Variants in RBFOX1 observed in about 807,000 individuals in gnomAD.
The protein encoded by RBFOX1 is RNA binding fox-1 homolog 1.
A neutral mutation model predicts 57.7 loss-of-function variants in RBFOX1; 8 were observed. The observed-to-expected ratio is 0.14, with a 90% CI of 0.08 to 0.25. RBFOX1 has a LOEUF of 0.25. RBFOX1 is among the 10% of genes least tolerant of loss of function. RBFOX1 has a pLI of 1.00. For synonymous variants in RBFOX1, 326 were observed against 222.4 expected, an observed-to-expected ratio of 1.47 and a Z score of -4.15; for missense variants, 611 against 548.5, an observed-to-expected ratio of 1.11 and a Z score of -1.14.
chr16:7,166,024 T>G (rs2079439288), intron 4 of RBFOX1, among the ~76,000 whole-genome samples: 1 of 151,768 alleles, frequency 6.6e-6, no homozygotes. Context: ...TTTGTTGTTG[T>G]TGTTGTTGAG....
intron 3 of RBFOX1, among the ~76,000 whole-genome samples, chr16:5,800,451 C>T (rs1461092941): frequency 3.9e-5 from 6 of 152,144 alleles, no homozygotes; most frequent in African/African-American, 1.2e-4. Context: ...TCTGCACCCC[C>T]AGCACGCCCT....
intron 2 of RBFOX1, among the ~76,000 whole-genome samples, chr16:5,553,847 A>G (rs542119728): frequency 1.1e-4 from 17 of 152,166 alleles, no homozygotes; most frequent in East Asian, 5.8e-4. Context: ...AATATCCTAC[A>G]TGATTGAATT....
chr16:7,383,710 G>A (rs1036047825), intron 4 of RBFOX1, among the ~76,000 whole-genome samples: 1 of 151,970 alleles, frequency 6.6e-6, no homozygotes, highest in Non-Finnish European at 1.5e-5. Context: ...TATATTAAAC[G>A]CCTATTCAAA....
chr16:6,759,416 G>T (rs1228517137), intron 3 of RBFOX1, among the ~76,000 whole-genome samples: 1 of 151,740 alleles, frequency 6.6e-6, no homozygotes, highest in Non-Finnish European at 1.5e-5. Context: ...CTCCCATAGT[G>T]CTGGGACCCA....
chr16:7,236,454 A>C (rs912828329), intron 4 of RBFOX1, among the ~76,000 whole-genome samples: 3 of 152,146 alleles, frequency 2.0e-5, no homozygotes, highest in South Asian at 4.1e-4. Flanking sequence ...GCTGTCATGC[A>C]ATCTGGCAGA....
At chr16:6,282,366 T>G (rs28403999) in intron 1 of RBFOX1, among the ~76,000 whole-genome samples, 3,931 of 151,416 alleles carry the variant, frequency 0.026, 121 homozygotes, top group African/African-American at 0.071. Context: ...TTTTTTTTTT[T>G]TTTTTTTTTT....
At chr16:7,241,799 GTAGA>G (rs2094077418) in intron 4 of RBFOX1, among the ~76,000 whole-genome samples, 1 of 151,040 alleles carries the variant, frequency 6.6e-6, no homozygotes, top group Non-Finnish European at 1.5e-5. Flanking sequence ...GTCTATAAAT[GTAGA>G]TACTCACATA....
intron 10 of RBFOX1, among the ~76,000 whole-genome samples, chr16:7,612,871 A>T (rs1201723598): frequency 6.6e-6 from 1 of 152,200 alleles, no homozygotes; most frequent in Non-Finnish European, 1.5e-5. Context: ...TCTGTGATTA[A>T]ATATTCCATC....
chr16:6,644,635 C>G (rs1346528536), intron 2 of RBFOX1, among the ~76,000 whole-genome samples: 3 of 152,176 alleles, frequency 2.0e-5, no homozygotes, highest in Non-Finnish European at 4.4e-5. Context: ...CTTAGCTTCT[C>G]ATGACAAGTC....
At position 5,454,899 on chromosome 16, in the gene RBFOX1, T is replaced by G. The variant is rs1445964770; in HGVS notation, c.220-12317T>G. Among the ~76,000 whole-genome samples, 42 of 102,218 alleles carry G rather than the reference T, an allele frequency of 4.1e-4. 1 individual carries two copies. Among genetic ancestry groups the G allele is most frequent in the Non-Finnish European group, 7.5e-4 (33 of 44,170 alleles). The allele number at this position is 102,218 out of a possible 152,430, so 67.1% of individuals were successfully genotyped here. ...CTTTCTTTCTTTCTTTCTTTCTTTC[T>G]TTCTTTCTTTCTTTCCTTTGTTTCT... On this transcript the variant is annotated intron_variant, in intron 1 of 2. Transcript: ENST00000585867.
chr16:7,407,974 A>C (rs1031763303), intron 4 of RBFOX1, among the ~76,000 whole-genome samples: 2 of 152,200 alleles, frequency 1.3e-5, no homozygotes, highest in African/African-American at 4.8e-5. Context: ...ATCACAATGA[A>C]TGTATGGCCC....
chr16:6,254,269 G>T (rs2097646812), intron 1 of RBFOX1, among the ~76,000 whole-genome samples: 1 of 152,148 alleles, frequency 6.6e-6, no homozygotes, highest in African/African-American at 2.4e-5. Flanking sequence ...GATGTATTCA[G>T]GGAGAACGTT....
chr16:6,677,794 C>A (rs916837217), intron 3 of RBFOX1, among the ~76,000 whole-genome samples: 1 of 152,110 alleles, frequency 6.6e-6, no homozygotes, highest in Non-Finnish European at 1.5e-5. Context: ...TAGAGGAAGA[C>A]TGAACAATGG....
At chr16:7,381,364 A>C (rs1597007984) in intron 4 of RBFOX1, among the ~76,000 whole-genome samples, 1 of 152,332 alleles carries the variant, frequency 6.6e-6, no homozygotes, top group East Asian at 1.9e-4. Flanking sequence ...AAGTAATTAG[A>C]AAGAAAACCA....
At position 5,867,226 on chromosome 16, in the gene RBFOX1, G is replaced by C. The variant is rs905738699; in HGVS notation, c.319-77G>C. ...GGGTCATAACAAATTATTGATGCCA[G>C]TTCCTTTAAAAAGACAATTAATCCA... On this transcript the variant is annotated intron_variant, in intron 3 of 19. Coordinates refer to the RBFOX1 transcript ENST00000641259. 8.8e-6 allele frequency: 9 copies of C among 1,021,732 alleles called. No homozygotes were observed. In the African/African-American group the frequency reaches 1.5e-4, roughly 17 times the overall value. The allele number at this position is 1,021,732 out of a possible 1,614,324, so 63.3% of individuals were successfully genotyped here.
intron 1 of RBFOX1, among the ~76,000 whole-genome samples, chr16:6,312,057 C>T (rs1177875869): frequency 2.0e-5 from 3 of 152,200 alleles, no homozygotes; most frequent in Non-Finnish European, 4.4e-5. Context: ...ATACAGTTTG[C>T]TTCCCTGCCT....
At chr16:5,921,742 G>C (rs1356259316) in intron 4 of RBFOX1, among the ~76,000 whole-genome samples, 1 of 152,048 alleles carries the variant, frequency 6.6e-6, no homozygotes, top group Non-Finnish European at 1.5e-5. Flanking sequence ...TCTGCTGCTG[G>C]GGAGGCCTCA....
chr16:7,017,143 G>T (rs1597109224), intron 3 of RBFOX1, among the ~76,000 whole-genome samples: 1 of 152,128 alleles, frequency 6.6e-6, no homozygotes, highest in East Asian at 1.9e-4. Flanking sequence ...AAGCAAAACA[G>T]CTGTTAAGGT....
At chr16:5,398,670 T>C (rs532985063) in intron 1 of RBFOX1, among the ~76,000 whole-genome samples, 1 of 151,974 alleles carries the variant, frequency 6.6e-6, no homozygotes, top group East Asian at 1.9e-4. Flanking sequence ...AGTGGGAGGA[T>C]AGCAAGGTTG....
Sources: gnomAD v4.1 joint callset for allele counts (sites outside exome capture counted in the v4.1 genomes callset) on GRCh38, gnomAD v4.1.1 for gene constraint, MANE v1.5 for transcripts, NCBI Gene and HGNC (gene_info 2026-07-23, HGNC 2026-07-21) for gene names.